The following KCNMA1 variants were observed in gnomAD, a reference collection of about 807,000 sequenced individuals.
KCNMA1 encodes the protein potassium calcium-activated channel subfamily M alpha 1.
Under a neutral mutation model 140.0 loss-of-function variants are expected in KCNMA1, and 29 were observed. The ratio of observed to expected loss-of-function variants is 0.21; its 90% CI spans 0.15 to 0.28. The LOEUF is 0.28. Among genes scored for constraint, KCNMA1 ranks in the 10% least tolerant of loss-of-function variants. The pLI, the probability that KCNMA1 is intolerant of heterozygous loss-of-function variation, is 1.00. For missense variants in KCNMA1, 880 were observed against 1,602.2 expected, an observed-to-expected ratio of 0.55 and a Z score of 7.70; for synonymous variants, 612 against 611.9, an observed-to-expected ratio of 1.00 and a Z score of 0.00.
At chr10:77,120,438 G>T (rs570899629) in intron 6 of KCNMA1, among the ~76,000 whole-genome samples, 7 of 152,254 alleles carry the variant, frequency 4.6e-5, no homozygotes, top group African/African-American at 7.2e-5. Context: ...AAGCCCCAAG[G>T]GCTATACGGA....
intron 23 of KCNMA1, among the ~76,000 whole-genome samples, chr10:76,941,182 AG>A (rs1243515227): frequency 3.2e-5 from 3 of 94,792 alleles, no homozygotes; most frequent in African/African-American, 1.4e-4. Context: ...GAAGGAAGGA[AG>A]GGAGGGAGGG....
At chr10:77,180,758 C>A (rs111451781) in intron 5 of KCNMA1, among the ~76,000 whole-genome samples, 1 of 152,210 alleles carries the variant, frequency 6.6e-6, no homozygotes, top group African/African-American at 2.4e-5. Flanking sequence ...CAAATGGAAG[C>A]ACATTTAGAG....
At chr10:77,406,426 T>A (rs1171052247) in intron 1 of KCNMA1, among the ~76,000 whole-genome samples, 1 of 152,152 alleles carries the variant, frequency 6.6e-6, no homozygotes, top group Non-Finnish European at 1.5e-5. Context: ...ACCCCTTGCT[T>A]CTTCTCGTGC....
intron 2 of KCNMA1, among the ~76,000 whole-genome samples, chr10:77,259,351 G>A (rs1003765190): frequency 1.3e-5 from 2 of 152,166 alleles, no homozygotes; most frequent in Non-Finnish European, 2.9e-5. Context: ...GATTTTACAG[G>A]CATTAGGATC....
intron 19 of KCNMA1, chr10:76,977,530 T>C: frequency 1.4e-6 from 1 of 702,856 alleles, no homozygotes; most frequent in Non-Finnish European, 2.6e-6. Flanking sequence ...GACTAAGATA[T>C]TAACTCGCTG....
intron 2 of KCNMA1, among the ~76,000 whole-genome samples, chr10:77,305,286 C>T (rs1479401424): frequency 1.3e-5 from 2 of 152,194 alleles, no homozygotes; most frequent in African/African-American, 2.4e-5. Context: ...CAGCAATCGT[C>T]ATAGTCATTT....
At chr10:77,531,757 G>A (rs1161364565) in intron 1 of KCNMA1, among the ~76,000 whole-genome samples, 2 of 152,198 alleles carry the variant, frequency 1.3e-5, no homozygotes, top group Non-Finnish European at 2.9e-5. Context: ...GGAAGGGCTG[G>A]TGCTCAAAGT....
intron 1 of KCNMA1, among the ~76,000 whole-genome samples, chr10:77,406,670 C>T (rs1178488118): frequency 1.3e-5 from 2 of 152,170 alleles, no homozygotes; most frequent in African/African-American, 4.8e-5. Context: ...CCCCAGCTCT[C>T]TCCTGGCCTC....
chr10:77,343,969 C>T (rs2091582240), intron 2 of KCNMA1, among the ~76,000 whole-genome samples: 1 of 152,212 alleles, frequency 6.6e-6, no homozygotes, highest in Admixed American at 6.5e-5. Context: ...ACTCATGGGC[C>T]TAGGCATCAG....
chr10:77,403,670 C>T (rs934027411), intron 2 of KCNMA1, among the ~76,000 whole-genome samples, 192 bp downstream of exon 2: 8 of 152,202 alleles, frequency 5.3e-5, no homozygotes, highest in African/African-American at 1.7e-4. Context: ...CCTTGAAAAT[C>T]CCTCCACAAA....
intron 19 of KCNMA1, chr10:76,995,425 C>T (rs560420129): frequency 2.6e-5 from 10 of 386,550 alleles, no homozygotes; most frequent in South Asian, 8.0e-5. Context: ...GAGGCAGAGA[C>T]GGACTTGACA....
At chr10:77,558,778 C>T (rs772733559) in intron 1 of KCNMA1, among the ~76,000 whole-genome samples, 15 of 152,134 alleles carry the variant, frequency 9.9e-5, no homozygotes, top group Admixed American at 2.0e-4. Context: ...AGGCAGATGG[C>T]GCAAAATAAA....
At chr10:77,556,477 C>A (rs1316818091) in intron 1 of KCNMA1, among the ~76,000 whole-genome samples, 1 of 132,144 alleles carries the variant, frequency 7.6e-6, no homozygotes, top group Non-Finnish European at 1.5e-5. Context: ...TGCACTCCAG[C>A]CTGGACAACA....
intron 10 of KCNMA1, among the ~76,000 whole-genome samples, chr10:77,086,926 T>C (rs1406432077): frequency 6.6e-6 from 1 of 152,198 alleles, no homozygotes; most frequent in Non-Finnish European, 1.5e-5. Context: ...ATGGTTCATT[T>C]TATGCGGACT....
At chr10:77,211,947 C>G (rs182380153) in intron 3 of KCNMA1, among the ~76,000 whole-genome samples, 2 of 152,266 alleles carry the variant, frequency 1.3e-5, no homozygotes, top group East Asian at 3.9e-4. Context: ...CAAAAAACAA[C>G]AGATGCTGGC....
chr10:77,070,185 G>A (rs2096138539), intron 14 of KCNMA1, among the ~76,000 whole-genome samples: 1 of 152,070 alleles, frequency 6.6e-6, no homozygotes. Context: ...TCTCATGCAT[G>A]ATAAAATGCC....
intron 2 of KCNMA1, among the ~76,000 whole-genome samples, chr10:77,312,354 G>A (rs628992): frequency 0.22 from 33,872 of 152,188 alleles, 4,043 homozygotes; most frequent in Admixed American, 0.27. Context: ...GGCCGGCCGC[G>A]GTGGCTCATG....
At chr10:77,327,623 A>G (rs1602661095) in intron 2 of KCNMA1, among the ~76,000 whole-genome samples, 1 of 152,110 alleles carries the variant, frequency 6.6e-6, no homozygotes, top group East Asian at 1.9e-4. Flanking sequence ...TCAAAGTGCT[A>G]GGATTACAGG....
At chr10:77,123,053 G>A (rs906072211) in intron 5 of KCNMA1, among the ~76,000 whole-genome samples, 9 of 151,178 alleles carry the variant, frequency 6.0e-5, no homozygotes, top group Non-Finnish European at 1.2e-4. Flanking sequence ...GGTGGCGGGC[G>A]CCTGTAGTCC....
Sources: gnomAD v4.1 joint callset for allele counts (sites outside exome capture counted in the v4.1 genomes callset) on GRCh38, gnomAD v4.1.1 for gene constraint, MANE v1.5 for transcripts, NCBI Gene and HGNC (gene_info 2026-07-23, HGNC 2026-07-21) for gene names.